The following PDZD2 variants were observed in gnomAD, a reference collection of about 807,000 sequenced individuals.
The protein encoded by PDZD2 is PDZ domain containing 2.
A neutral mutation model predicts 220.7 loss-of-function variants in PDZD2; 90 were observed. The observed-to-expected ratio is 0.41, with a 90% CI of 0.34 to 0.49. The LOEUF is 0.49. Ranked by LOEUF, PDZD2 falls within the 20% of genes least tolerant of loss-of-function variation. The pLI is 0.28. For synonymous variants in PDZD2, 1,375 were observed against 1,450.5 expected (o/e 0.95, Z 1.18); for missense variants, 3,174 against 3,608.5 (o/e 0.88, Z 3.08).
intron 1 of PDZD2, among the ~76,000 whole-genome samples, chr5:31,702,144 C>A (rs1294527474): frequency 6.6e-6 from 1 of 152,188 alleles, no homozygotes; most frequent in African/African-American, 2.4e-5. Context: ...TTCTCATGGG[C>A]TCATGGCAGC....
chr5:31,822,147 A>G (rs890421109), intron 2 of PDZD2, among the ~76,000 whole-genome samples: 2 of 152,210 alleles, frequency 1.3e-5, no homozygotes, highest in Admixed American at 6.5e-5. Flanking sequence ...TAGTGCTGCA[A>G]TAAACATATG....
intron 2 of PDZD2, among the ~76,000 whole-genome samples, chr5:31,921,772 A>G (rs1167276419): frequency 1.3e-5 from 2 of 152,190 alleles, no homozygotes; most frequent in African/African-American, 4.8e-5. Context: ...TAGATTATGA[A>G]GGCTTTTTGC....
chr5:31,802,732 A>G (rs1046940289), intron 2 of PDZD2, among the ~76,000 whole-genome samples: 1 of 152,056 alleles, frequency 6.6e-6, no homozygotes, highest in Admixed American at 6.6e-5. Flanking sequence ...CATCGTGGCT[A>G]ACATGGTGAA....
At chr5:31,896,009 C>T (rs1026319949) in intron 2 of PDZD2, among the ~76,000 whole-genome samples, 2 of 152,136 alleles carry the variant, frequency 1.3e-5, no homozygotes, top group Admixed American at 1.3e-4. Flanking sequence ...CCACTTTGCC[C>T]ATGTGGAAGC....
At chr5:32,041,360 G>A (rs913764502) in intron 7 of PDZD2, among the ~76,000 whole-genome samples, 1 of 152,176 alleles carries the variant, frequency 6.6e-6, no homozygotes, top group Non-Finnish European at 1.5e-5. Context: ...AGCGACCATC[G>A]AGAACGGGCC....
Position 32,089,650 on chromosome 5 carries a change from C to T in PDZD2, c.6202C>T (p.Pro2068Ser). The T allele has an allele frequency of 6.2e-7, 1 of 1,613,978 alleles. No homozygotes were observed. Among genetic ancestry groups the T allele is most frequent in the Non-Finnish European group, 8.5e-7 (1 of 1,179,972 alleles). The change falls in exon 20 of 25, where the codon CCC (proline) becomes TCC (serine). Residue 2068 changes from proline (P) to serine (S), a missense_variant. Transcript: ENST00000438447. ...ASHVAADTAQ[P>S]RPTGEKGGNI... ...CCATGTGGCAGCAGACACAGCCCAA[C>T]CCAGGCCGACTGGCGAAAAAGGAGG...
chr5:31,792,262 A>AG (rs1053510486), intron 1 of PDZD2, among the ~76,000 whole-genome samples: 1 of 152,178 alleles, frequency 6.6e-6, no homozygotes, highest in African/African-American at 2.4e-5. Flanking sequence ...GGTATAGTTC[A>AG]GGGGGGCAAG....
chr5:31,672,896 A>G (rs1746268251), intron 1 of PDZD2, among the ~76,000 whole-genome samples: 1 of 152,254 alleles, frequency 6.6e-6, no homozygotes, highest in Non-Finnish European at 1.5e-5. Context: ...CCCAGGAATT[A>G]TTCTGATAAC....
chr5:31,689,199 G>A (rs1297850182), intron 1 of PDZD2, among the ~76,000 whole-genome samples: 2 of 151,086 alleles, frequency 1.3e-5, no homozygotes, highest in African/African-American at 4.9e-5. Flanking sequence ...CTCCTGAGTA[G>A]CTGGGATTAC....
chr5:31,664,606 C>T (rs578046030), intron 1 of PDZD2, among the ~76,000 whole-genome samples: 8 of 152,292 alleles, frequency 5.3e-5, no homozygotes, highest in East Asian at 1.9e-4. Context: ...ATTCATACGA[C>T]GGCAGAGACC....
At chr5:31,767,046 T>TTTTTTTTTA (rs2150193677) in intron 1 of PDZD2, among the ~76,000 whole-genome samples, 5 of 122,344 alleles carry the variant, frequency 4.1e-5, no homozygotes, top group East Asian at 2.3e-4. Context: ...TTTTTTTTTT[T>TTTTTTTTTA]GAGACAGAGT....
intron 1 of PDZD2, among the ~76,000 whole-genome samples, chr5:31,776,413 C>T (rs915956552): frequency 2.6e-4 from 40 of 152,134 alleles, no homozygotes; most frequent in Admixed American, 7.2e-4. Flanking sequence ...GACATCCTTT[C>T]GGGTCCCTAC....
At chr5:31,726,831 A>G (rs1469066729) in intron 1 of PDZD2, among the ~76,000 whole-genome samples, 5 of 152,334 alleles carry the variant, frequency 3.3e-5, no homozygotes, top group Admixed American at 6.5e-5. Flanking sequence ...TCCCATTGCT[A>G]TAAAGAAATA....
At chr5:31,800,222 G>A (rs1308033435) in intron 2 of PDZD2, among the ~76,000 whole-genome samples, 1 of 152,134 alleles carries the variant, frequency 6.6e-6, no homozygotes, top group Non-Finnish European at 1.5e-5. Flanking sequence ...TCTAGTTTCA[G>A]TTCATTACAC....
At chr5:31,893,508 TAC>T (rs547108818) in intron 2 of PDZD2, among the ~76,000 whole-genome samples, 88 of 152,252 alleles carry the variant, frequency 5.8e-4, no homozygotes, top group African/African-American at 2.0e-3. Context: ...AGGCAGAGGT[TAC>T]AGTGAGCTGA....
At chr5:31,784,919 G>A (rs1381727316) in intron 1 of PDZD2, among the ~76,000 whole-genome samples, 1 of 151,572 alleles carries the variant, frequency 6.6e-6, no homozygotes, top group African/African-American at 2.4e-5. Flanking sequence ...AAAAAAAAAA[G>A]GTAGTCATGA....
At chr5:31,997,181 G>A (rs978120070) in intron 4 of PDZD2, among the ~76,000 whole-genome samples, 3 of 152,100 alleles carry the variant, frequency 2.0e-5, no homozygotes, top group African/African-American at 4.8e-5. Flanking sequence ...TATCTAGTCC[G>A]GAACTTGGTG....
intron 2 of PDZD2, among the ~76,000 whole-genome samples, chr5:31,803,101 ATTT>A (rs35101679): frequency 7.1e-6 from 1 of 140,628 alleles, no homozygotes; most frequent in South Asian, 2.2e-4. Context: ...ATTTTATTTT[ATTT>A]TTTTTTTTTG....
intron 2 of PDZD2, among the ~76,000 whole-genome samples, chr5:31,805,278 T>C (rs1754649312): frequency 6.6e-6 from 1 of 152,234 alleles, no homozygotes; most frequent in Admixed American, 6.5e-5. Context: ...GCTTTGGGAC[T>C]AGAAGCACTT....
Sources: allele counts gnomAD v4.1 joint callset (sites outside exome capture counted in the v4.1 genomes callset), GRCh38; gene constraint gnomAD v4.1.1; transcripts MANE v1.5; gene names NCBI Gene and HGNC (gene_info 2026-07-23, HGNC 2026-07-21).